EHBP1: variants seen among roughly 807,000 people sequenced by gnomAD.
The protein encoded by EHBP1 is EH domain-binding protein 1.
EHBP1 carries 55 observed loss-of-function variants against 144.0 expected under a neutral mutation model. That is an observed-to-expected ratio of 0.38 (90% CI 0.31 to 0.48). The LOEUF (loss-of-function observed/expected upper bound fraction) is 0.48. Among genes scored for constraint, EHBP1 ranks in the 20% least tolerant of loss-of-function variants. The pLI, the probability that EHBP1 is intolerant of heterozygous loss-of-function variation, is 0.98. For synonymous variants in EHBP1, 469 were observed against 472.7 expected, an observed-to-expected ratio of 0.99 and a Z score of 0.10; for missense variants, 1,200 against 1,364.2, an observed-to-expected ratio of 0.88 and a Z score of 1.90.
intron 2 of EHBP1, among the ~76,000 whole-genome samples, chr2:62,729,057 T>C (rs2037127076): frequency 6.6e-6 from 1 of 151,728 alleles, no homozygotes. Context: ...CGTGCAGATA[T>C]ATGCACTTCT....
chr2:63,036,826 G>A (rs1466199672), intron 19 of EHBP1, among the ~76,000 whole-genome samples: 2 of 151,862 alleles, frequency 1.3e-5, no homozygotes, highest in Non-Finnish European at 1.5e-5. Flanking sequence ...TGATGGGATG[G>A]ATATTAGCGA....
chr2:62,972,823 A>T (rs537946413), intron 14 of EHBP1, among the ~76,000 whole-genome samples: 2 of 152,162 alleles, frequency 1.3e-5, no homozygotes, highest in African/African-American at 2.4e-5. Flanking sequence ...GTAGGGTTTT[A>T]TGAGTTGTAA....
At chr2:62,897,041 TC>T (rs2052993869) in intron 10 of EHBP1, among the ~76,000 whole-genome samples, 2 of 152,224 alleles carry the variant, frequency 1.3e-5, no homozygotes, top group Non-Finnish European at 2.9e-5. Flanking sequence ...AAGTCTTGCT[TC>T]TACTCCTGTA....
chr2:62,729,089 T>C (rs2151994901), intron 2 of EHBP1, among the ~76,000 whole-genome samples: 1 of 151,478 alleles, frequency 6.6e-6, no homozygotes, highest in South Asian at 2.1e-4. Context: ...TTATTTTACC[T>C]GTGCAGAAGA....
At chr2:62,903,750 A>C (rs2053586424) in intron 10 of EHBP1, among the ~76,000 whole-genome samples, 4 of 150,846 alleles carry the variant, frequency 2.7e-5, no homozygotes, top group African/African-American at 7.3e-5. Context: ...TGGCCAATAG[A>C]GTGAGACCCT....
At chr2:62,766,714 A>T (rs1364604644) in intron 4 of EHBP1, among the ~76,000 whole-genome samples, 1 of 152,126 alleles carries the variant, frequency 6.6e-6, no homozygotes, top group Non-Finnish European at 1.5e-5. Flanking sequence ...CACCCAGCCC[A>T]GATGTTTTCT....
intron 9 of EHBP1, among the ~76,000 whole-genome samples, chr2:62,865,244 A>G (rs1047329480): frequency 1.3e-5 from 2 of 152,200 alleles, no homozygotes; most frequent in Non-Finnish European, 1.5e-5. Context: ...CACAGAAACT[A>G]TATTATAAAT....
intron 2 of EHBP1, among the ~76,000 whole-genome samples, chr2:62,731,443 T>A (rs1308559444): frequency 6.6e-6 from 1 of 152,196 alleles, no homozygotes; most frequent in African/African-American, 2.4e-5. Flanking sequence ...CCAGAATGAT[T>A]TGACTAGGAG....
intron 10 of EHBP1, among the ~76,000 whole-genome samples, chr2:62,910,291 T>C (rs140299725): frequency 1.1e-3 from 170 of 152,246 alleles, no homozygotes; most frequent in African/African-American, 3.7e-3. Context: ...GTAAAAGTGG[T>C]TAAGTACTTC....
chr2:62,909,889 C>T (rs1445918564), intron 10 of EHBP1, among the ~76,000 whole-genome samples: 4 of 152,150 alleles, frequency 2.6e-5, no homozygotes, highest in Non-Finnish European at 5.9e-5. Flanking sequence ...TCCTAAGTAG[C>T]TGGGACTACA....
chr2:63,020,955 G>A lies in EHBP1; in HGVS notation c.3104-16580G>A, dbSNP rs1294705576. Reference sequence around the variant, plus strand: ...GGCCTCCCAAAGTGCTGGGATTACAGGTATGAGCCACCGTGCCTGGCCTCA... The same window carrying A: ...GGCCTCCCAAAGTGCTGGGATTACAAGTATGAGCCACCGTGCCTGGCCTCA... On this transcript the variant is annotated intron_variant, in intron 19 of 22. Transcript: ENST00000431489. Among the ~76,000 whole-genome samples, 4 of 149,460 alleles carry A rather than the reference G, an allele frequency of 2.7e-5. No individual in the cohort carries two copies. The East Asian group carries it at 5.9e-4, about 22-fold the overall frequency.
intron 10 of EHBP1, among the ~76,000 whole-genome samples, chr2:62,901,808 A>G (rs898843001): frequency 1.3e-5 from 2 of 152,058 alleles, no homozygotes; most frequent in African/African-American, 4.8e-5. Context: ...TCTACAAAAA[A>G]TATGGAAATC....
chr2:62,806,795 C>G (rs544422596), intron 5 of EHBP1, among the ~76,000 whole-genome samples: 6 of 151,888 alleles, frequency 4.0e-5, no homozygotes, highest in South Asian at 2.1e-4. Context: ...ACAGCTAATC[C>G]AAGCCCACTT....
chr2:62,966,288 CT>C (rs2058244694), intron 14 of EHBP1, among the ~76,000 whole-genome samples: 1 of 152,080 alleles, frequency 6.6e-6, no homozygotes, highest in Admixed American at 6.6e-5. Context: ...TTTTTTCCCC[CT>C]ATTTCAGAAG....
At chr2:62,925,833 G>A (rs1402667567) in intron 10 of EHBP1, among the ~76,000 whole-genome samples, 1 of 152,072 alleles carries the variant, frequency 6.6e-6, no homozygotes, top group Non-Finnish European at 1.5e-5. Context: ...GTAGCCCAAA[G>A]CGATCTACAG....
rs151188167 is a variant in EHBP1 at position 62,728,426 on chromosome 2, A to T, written c.105-18969A>T. On this transcript the variant is annotated intron_variant, in intron 2 of 22. Transcript: ENST00000431489. ...CACATCTGATTGTCTTTTTTATTTT[A>T]GCCATTTAAGTACATGTAAAGTGTT... is the stretch of plus-strand genomic sequence containing the variant. Among the ~76,000 whole-genome samples the T allele has an allele frequency of 8.4e-3, 1,272 of 152,256 alleles. 10 individuals carry two copies. Among genetic ancestry groups the T allele is most frequent in the Middle Eastern group, 0.014 (4 of 294 alleles).
intron 2 of EHBP1, among the ~76,000 whole-genome samples, chr2:62,724,811 C>T (rs1056701176): frequency 1.3e-5 from 2 of 152,160 alleles, no homozygotes; most frequent in Non-Finnish European, 2.9e-5. Flanking sequence ...CGCCTCCTGT[C>T]AGATCAGTGG....
chr2:62,734,399 C>CTT (rs70962792), intron 2 of EHBP1, among the ~76,000 whole-genome samples: 50 of 127,750 alleles, frequency 3.9e-4, no homozygotes, highest in Non-Finnish European at 7.1e-4. Flanking sequence ...TGGCATGTGT[C>CTT]TTTTTTTTTT....
At chr2:62,882,339 G>A (rs1558850126) in intron 10 of EHBP1, among the ~76,000 whole-genome samples, 1 of 152,212 alleles carries the variant, frequency 6.6e-6, no homozygotes, top group Non-Finnish European at 1.5e-5. Flanking sequence ...GGAAAGAGCA[G>A]ATGGTAGAAA....
Sources: gnomAD v4.1 joint callset for allele counts (sites outside exome capture counted in the v4.1 genomes callset) on GRCh38, gnomAD v4.1.1 for gene constraint, MANE v1.5 for transcripts, NCBI Gene and HGNC (gene_info 2026-07-23, HGNC 2026-07-21) for gene names.